CACUL1: variants seen among roughly 807,000 people sequenced by gnomAD.
CACUL1 encodes the protein CDK2-associated and cullin domain-containing protein 1.
CACUL1 carries 13 observed loss-of-function variants against 45.2 expected under a neutral mutation model. That is an observed-to-expected ratio of 0.29 (90% CI 0.19 to 0.46). The LOEUF (loss-of-function observed/expected upper bound fraction) is 0.46, where lower values mean the gene tolerates loss of function less well. Among genes scored for constraint, CACUL1 ranks in the 20% least tolerant of loss-of-function variants. The pLI is 1.00. For missense variants in CACUL1, 421 were observed against 471.4 expected, an observed-to-expected ratio of 0.89 and a Z score of 0.99; for synonymous variants, 197 against 174.2, an observed-to-expected ratio of 1.13 and a Z score of -1.03.
chr10:118,689,794 G>A (rs1001581929), intron 7 of CACUL1, among the ~76,000 whole-genome samples: 4 of 152,148 alleles, frequency 2.6e-5, no homozygotes, highest in Non-Finnish European at 4.4e-5. Flanking sequence ...TGCTCTGGAA[G>A]GCAAACTCAA....
intron 1 of CACUL1, among the ~76,000 whole-genome samples, chr10:118,734,861 G>A (rs1440335061): frequency 2.6e-5 from 4 of 152,128 alleles, no homozygotes; most frequent in Non-Finnish European, 5.9e-5. Context: ...TGAAACACAT[G>A]GAATAGCTGG....
chr10:118,753,541 C>G (rs2119693142), intron 1 of CACUL1, among the ~76,000 whole-genome samples: 1 of 152,352 alleles, frequency 6.6e-6, no homozygotes, highest in East Asian at 1.9e-4. Context: ...CACATACACA[C>G]AAACCAAAGT....
chr10:118,711,546 T>G (rs1427895031), intron 3 of CACUL1, among the ~76,000 whole-genome samples: 1 of 152,194 alleles, frequency 6.6e-6, no homozygotes, highest in African/African-American at 2.4e-5. Context: ...TTCAAAGAAA[T>G]AAATTTTAGA....
At chr10:118,711,132 T>C (rs1225893612) in intron 3 of CACUL1, among the ~76,000 whole-genome samples, 1 of 152,260 alleles carries the variant, frequency 6.6e-6, no homozygotes, top group Non-Finnish European at 1.5e-5. Flanking sequence ...CAAGCTGCAG[T>C]GCAATGGCAT....
chr10:118,732,666 C>T (rs1014385245), intron 1 of CACUL1, among the ~76,000 whole-genome samples: 2 of 152,068 alleles, frequency 1.3e-5, no homozygotes, highest in African/African-American at 4.8e-5. Context: ...CCCAGAGCTC[C>T]CCACTGGTAC....
chr10:118,706,786 A>G (rs1288742385), intron 4 of CACUL1, among the ~76,000 whole-genome samples: 1 of 152,186 alleles, frequency 6.6e-6, no homozygotes. Context: ...TGCCTTCTAA[A>G]TTAAAGACAG....
At chr10:118,691,852 G>A (rs1350493336) in intron 6 of CACUL1, among the ~76,000 whole-genome samples, 5 of 125,254 alleles carry the variant, frequency 4.0e-5, no homozygotes, top group African/African-American at 1.7e-4. Context: ...GGGCGACAGA[G>A]CGAGACTCCG....
chr10:118,750,402 T>C (rs968493612), intron 1 of CACUL1, among the ~76,000 whole-genome samples: 2 of 152,216 alleles, frequency 1.3e-5, no homozygotes, highest in East Asian at 3.8e-4. Context: ...AGATGAGTCT[T>C]GGAGCATGAC....
At chr10:118,702,138 TC>T (rs1384198475) in intron 4 of CACUL1, among the ~76,000 whole-genome samples, 1 of 152,182 alleles carries the variant, frequency 6.6e-6, no homozygotes, top group Admixed American at 6.5e-5. Context: ...CCTGCGGAGC[TC>T]CTGGGCCGAG....
chr10:118,726,060 A>G (rs1244073148), intron 3 of CACUL1, among the ~76,000 whole-genome samples: 1 of 152,030 alleles, frequency 6.6e-6, no homozygotes. Flanking sequence ...GCCAAATGCA[A>G]CTCCTCCCAC....
chr10:118,710,219 C>T (rs990465604), intron 3 of CACUL1, among the ~76,000 whole-genome samples: 1 of 152,054 alleles, frequency 6.6e-6, no homozygotes, highest in South Asian at 2.1e-4. Flanking sequence ...AGCCACCACA[C>T]CCAGCGCATT....
intron 5 of CACUL1, among the ~76,000 whole-genome samples, chr10:118,699,745 C>T (rs112188097): frequency 2.5e-3 from 383 of 152,064 alleles, no homozygotes; most frequent in African/African-American, 8.4e-3. Context: ...CCCGGGTTCA[C>T]GCCATTCCCC....
rs535864940 is a variant in CACUL1 at position 118,680,963 on chromosome 10, T to TATAAC, written c.*5160_*5164dup. On this transcript the variant is annotated 3_prime_UTR_variant, in exon 9 of 9. Transcript: ENST00000369151. ...AGGCCAAGGACATCTGTACAGGATT[T>TATAAC]ATAACATAACATAACAAGGCCAACG... The TATAAC allele has an allele frequency of 2.6e-5, 4 of 152,196 alleles. No homozygotes were observed. The highest frequency in any genetic ancestry group is 5.9e-5 in the Non-Finnish European group (4 of 68,032). 9.4% of individuals were successfully genotyped at this position (152,196 alleles called of 1,614,324 possible).
In CACUL1 at chr10:118,683,507, T is replaced by A. The variant is rs1279529997; in HGVS notation, c.*2621A>T. 2.7e-5 allele frequency: 4 copies of A among 150,852 alleles called. No individual in the cohort carries two copies. In the East Asian group the frequency reaches 5.8e-4, roughly 22 times the overall value. The allele number at this position is 150,852 out of a possible 1,614,324, so 9.3% of individuals were successfully genotyped here. On this transcript the variant is annotated 3_prime_UTR_variant, in exon 9 of 9. Coordinates refer to ENST00000369151, the MANE Select transcript of CACUL1 (RefSeq NM_153810.5). ...GAGTTCAAGACCAGCCTGACCAACA[T>A]GGTGAAACCCCGTCTCTACTAAAAA...
intron 4 of CACUL1, among the ~76,000 whole-genome samples, chr10:118,703,205 T>C (rs1029631282): frequency 6.6e-6 from 1 of 152,090 alleles, no homozygotes; most frequent in Non-Finnish European, 1.5e-5. Context: ...AGTCTCTCAA[T>C]GCAGACCTTC....
intron 1 of CACUL1, among the ~76,000 whole-genome samples, chr10:118,753,873 G>A (rs1415438116): frequency 2.0e-5 from 3 of 152,220 alleles, no homozygotes; most frequent in Non-Finnish European, 4.4e-5. Flanking sequence ...TAACACAGTA[G>A]AGAAGGAACA....
At chr10:118,686,413 CCT>C (rs1845206563) in intron 8 of CACUL1, among the ~76,000 whole-genome samples, 183 bp downstream of exon 8, 1 of 152,136 alleles carries the variant, frequency 6.6e-6, no homozygotes, top group Admixed American at 6.5e-5. Flanking sequence ...TTTCCAATGC[CCT>C]GAGAACCATC....
intron 4 of CACUL1, among the ~76,000 whole-genome samples, chr10:118,705,881 A>G (rs1845427821): frequency 6.6e-6 from 1 of 152,236 alleles, no homozygotes; most frequent in African/African-American, 2.4e-5. Flanking sequence ...GGACAATAAA[A>G]ACAATTTACA....
chr10:118,700,280 A>T (rs1845365802), intron 5 of CACUL1, among the ~76,000 whole-genome samples: 1 of 152,224 alleles, frequency 6.6e-6, no homozygotes, highest in Admixed American at 6.5e-5. Context: ...GATGTGTCAC[A>T]TAAGATAGGA....
Sources: gnomAD v4.1 joint callset for allele counts (sites outside exome capture counted in the v4.1 genomes callset) on GRCh38, gnomAD v4.1.1 for gene constraint, MANE v1.5 for transcripts, NCBI Gene and HGNC (gene_info 2026-07-23, HGNC 2026-07-21) for gene names.